RGS3: variants seen among roughly 807,000 people sequenced by gnomAD.
RGS3 encodes the protein regulator of G-protein signalling 3.
In RGS3, 80 loss-of-function variants were observed where a neutral mutation model predicts 132.6. The ratio of observed to expected loss-of-function variants is 0.60; its 90% confidence interval spans 0.50 to 0.73. The LOEUF (loss-of-function observed/expected upper bound fraction) is 0.73. Among genes scored for constraint, RGS3 ranks in the 30% least tolerant of loss-of-function variants. The pLI is 0.00. For synonymous variants in RGS3, 598 were observed against 620.6 expected (o/e 0.96, Z 0.54); for missense variants, 1,382 against 1,530.8 (o/e 0.90, Z 1.62).
intron 19 of RGS3, among the ~76,000 whole-genome samples, chr9:113,555,053 A>C (rs571238148): frequency 5.9e-5 from 9 of 152,164 alleles, no homozygotes; most frequent in Non-Finnish European, 8.8e-5. Flanking sequence ...TTCCAACCCG[A>C]TTTTTTTGAA....
chr9:113,553,460 ATATATATATATAT>A (rs1164733071), intron 19 of RGS3, among the ~76,000 whole-genome samples: 3 of 49,828 alleles, frequency 6.0e-5, no homozygotes, highest in African/African-American at 2.5e-4. Flanking sequence ...AAAAAAAAAA[ATATATATATATAT>A]ATATATATAT....
intron 10 of RGS3, chr9:113,501,744 C>G (rs1260514613): frequency 1.1e-5 from 12 of 1,112,838 alleles, no homozygotes; most frequent in Admixed American, 2.0e-5. Flanking sequence ...TTCCTGCTCC[C>G]TGCAGGCTCA....
At chr9:113,456,689 T>C (rs897652289), upstream of RGS3, among the ~76,000 whole-genome samples, 1 of 152,146 alleles carries the variant, frequency 6.6e-6, no homozygotes, top group Non-Finnish European at 1.5e-5. Flanking sequence ...GCAATCTTTC[T>C]AAAATGTGAA....
chr9:113,594,976 C>G (rs1362761118), exon 23 of RGS3: 1 of 1,613,978 alleles, frequency 6.2e-7, no homozygotes, highest in African/African-American at 1.3e-5. Context: ...TGCTGGTTCA[C>G]AAATGTAAGT....
At chr9:113,561,795 G>A (rs1021780124) in intron 19 of RGS3, among the ~76,000 whole-genome samples, 2 of 152,210 alleles carry the variant, frequency 1.3e-5, no homozygotes, top group Non-Finnish European at 2.9e-5. Context: ...TCACTGTGGT[G>A]TGGGCTGTAG....
chr9:113,538,557 C>G (rs1205313584), intron 19 of RGS3, among the ~76,000 whole-genome samples: 1 of 152,164 alleles, frequency 6.6e-6, no homozygotes, highest in Non-Finnish European at 1.5e-5. Flanking sequence ...ATCTCTCCAT[C>G]TTCAGGTTTG....
In RGS3 at chr9:113,596,992, G is replaced by A. The variant is rs560232268; in HGVS notation, c.*39G>A. On this transcript the variant is annotated 3_prime_UTR_variant, in exon 25 of 25. Coordinates refer to ENST00000350696, the Ensembl canonical transcript of RGS3. ...CGAGCTCAGCGTTCACACCAGGCGG[G>A]CTGGGTCCCCTGCCCACCTGCCTCC... 17 of 1,543,402 alleles carry A rather than the reference G, an allele frequency of 1.1e-5. No individual in the cohort carries two copies. In the East Asian group the frequency reaches 3.8e-4, roughly 35 times the overall value.
intron 19 of RGS3, among the ~76,000 whole-genome samples, chr9:113,549,128 A>G (rs887386073): frequency 1.3e-5 from 2 of 152,212 alleles, no homozygotes; most frequent in African/African-American, 4.8e-5. Flanking sequence ...AGGAACAAGC[A>G]GAGGCAGCTG....
intron 3 of RGS3, among the ~76,000 whole-genome samples, chr9:113,471,510 G>A (rs2119187724): frequency 1.3e-5 from 2 of 152,114 alleles, no homozygotes; most frequent in Middle Eastern, 6.8e-3. Context: ...TTCCTCAGTG[G>A]ATCTGTCATC....
exon 20 of RGS3, chr9:113,584,334 G>T (rs1332606579): frequency 1.3e-6 from 2 of 1,597,712 alleles, no homozygotes; most frequent in Non-Finnish European, 1.7e-6. Context: ...CCTCCACCTG[G>T]GGCATGCCTT....
At chr9:113,517,668 C>A in intron 16 of RGS3, 44 bp downstream of exon 14, 1 of 1,471,506 alleles carries the variant, frequency 6.8e-7, no homozygotes, top group Non-Finnish European at 9.5e-7. Flanking sequence ...TCTGGGTGGG[C>A]TTCATTGGCA....
chr9:113,479,399 C>A, intron 3 of RGS3, 92 bp from the exon 2 acceptor site: 4 of 1,299,370 alleles, frequency 3.1e-6, no homozygotes, highest in Non-Finnish European at 3.3e-6. Flanking sequence ...TTCACATGAA[C>A]AAAAGAGCAT....
intron 7 of RGS3, among the ~76,000 whole-genome samples, chr9:113,494,846 T>G (rs1209822173): frequency 5.3e-5 from 8 of 152,114 alleles, no homozygotes; most frequent in Non-Finnish European, 1.2e-4. Flanking sequence ...TGGTGGACAT[T>G]CTTCAGGAAC....
Position 113,485,622 on chromosome 9 carries a change from C to G in RGS3, c.621-3C>G, listed in dbSNP as rs766439159. ...CACTCCGATGGTCTGATTGATTTCG[C>G]AGTCCTGTCCAAGAGGAGGATGATC... On this transcript the variant is annotated splice_region_variant and splice_polypyrimidine_tract_variant and intron_variant, in intron 6 of 24. Coordinates refer to ENST00000350696, the Ensembl canonical transcript of RGS3. The G allele has an allele frequency of 1.9e-6, 3 of 1,593,630 alleles. No homozygotes were observed. Among genetic ancestry groups the G allele is most frequent in the South Asian group, 2.3e-5 (2 of 87,192 alleles).
At position 113,565,897 on chromosome 9, in the gene RGS3, G is replaced by A. The variant is rs1564578143; in HGVS notation, c.2038-17553G>A. Among the ~76,000 whole-genome samples the A allele has an allele frequency of 6.7e-6, 1 of 148,980 alleles. No individual in the cohort carries two copies. The highest frequency in any genetic ancestry group is 1.5e-5 in the Non-Finnish European group (1 of 67,190). On this transcript the variant is annotated intron_variant, in intron 19 of 24. Transcript: ENST00000350696. The surrounding 1 kb of genome is among the most constrained non-coding windows in gnomAD (Gnocchi z 5.7). The stretch of plus-strand genomic sequence containing the variant: ...GCTCTGTGTGTGTGTGTGTGTGTGT[G>A]TGTGTGTGTGTGTGTGTGTCTGTCT...
intron 19 of RGS3, among the ~76,000 whole-genome samples, chr9:113,549,091 G>C (rs1833226908): frequency 6.6e-6 from 1 of 152,192 alleles, no homozygotes; most frequent in Admixed American, 6.5e-5. Context: ...GGCCTCAGTG[G>C]CTCAGGACCT....
At chr9:113,495,755 A>G in intron 7 of RGS3, 31 bp from the exon 6 acceptor site, 2 of 1,607,526 alleles carry the variant, frequency 1.2e-6, no homozygotes, top group Non-Finnish European at 1.7e-6. Flanking sequence ...CAGAAAAAAA[A>G]TGCTGACTCA....
At chr9:113,452,503 C>T (rs922547753) in intron 1 of RGS3, among the ~76,000 whole-genome samples, 2 of 150,042 alleles carry the variant, frequency 1.3e-5, no homozygotes, top group Admixed American at 1.3e-4. Flanking sequence ...TAGGTTTCTT[C>T]ACGTTTCTTC....
intron 19 of RGS3, chr9:113,564,914 T>G: frequency 1.0e-6 from 1 of 992,816 alleles, no homozygotes. Context: ...GGGGTGGGGG[T>G]GTGACAGGGA....
Sources: allele counts gnomAD v4.1 joint callset (sites outside exome capture counted in the v4.1 genomes callset), GRCh38; gene constraint gnomAD v4.1.1; non-coding constraint Gnocchi (gnomAD v3.1); transcripts MANE v1.5; gene names NCBI Gene and HGNC (gene_info 2026-07-23, HGNC 2026-07-21).